The following NLGN1 variants were observed in gnomAD, a reference collection of about 807,000 sequenced individuals.
NLGN1 encodes the protein neuroligin 1, also known as neuroligin-1.
A neutral mutation model predicts 65.5 loss-of-function variants in NLGN1; 12 were observed. The observed-to-expected ratio is 0.18, with a 90% CI of 0.12 to 0.30. NLGN1 has a LOEUF of 0.30. Among genes scored for constraint, NLGN1 ranks in the 10% least tolerant of loss-of-function variants. The pLI, the probability that NLGN1 is intolerant of heterozygous loss-of-function variation, is 1.00. For synonymous variants in NLGN1, 350 were observed against 359.5 expected, an observed-to-expected ratio of 0.97 and a Z score of 0.30; for missense variants, 750 against 1,007.1, an observed-to-expected ratio of 0.74 and a Z score of 3.46.
intron 4 of NLGN1, among the ~76,000 whole-genome samples, chr3:174,183,875 T>G (rs1730903958): frequency 6.6e-6 from 1 of 152,160 alleles, no homozygotes. Context: ...TGAAAGAGGG[T>G]CTCTTGGTGA....
intron 3 of NLGN1, among the ~76,000 whole-genome samples, chr3:173,797,454 T>C (rs1207273964): frequency 2.0e-5 from 3 of 152,054 alleles, no homozygotes; most frequent in Non-Finnish European, 4.4e-5. Context: ...TTAGTATCAA[T>C]AAATGAAGTG....
chr3:173,914,281 C>T (rs550488899), intron 4 of NLGN1, among the ~76,000 whole-genome samples: 1 of 152,256 alleles, frequency 6.6e-6, no homozygotes, highest in South Asian at 2.1e-4. Context: ...CCCACTACAA[C>T]CTCTCACATT....
chr3:174,195,329 AAT>A (rs1157577723), intron 4 of NLGN1, among the ~76,000 whole-genome samples: 1 of 152,238 alleles, frequency 6.6e-6, no homozygotes, highest in African/African-American at 2.4e-5. Flanking sequence ...ATCTTTGAAA[AAT>A]ATGTTTGATG....
At chr3:174,244,476 A>T (rs1561375601) in intron 4 of NLGN1, among the ~76,000 whole-genome samples, 1 of 152,218 alleles carries the variant, frequency 6.6e-6, no homozygotes, top group Non-Finnish European at 1.5e-5. Flanking sequence ...TGGAAATACC[A>T]TACAGAACAA....
chr3:173,655,902 A>G (rs568875776), intron 3 of NLGN1, among the ~76,000 whole-genome samples: 215 of 152,268 alleles, frequency 1.4e-3, no homozygotes, highest in African/African-American at 5.1e-3. Context: ...AGACAAAGCA[A>G]GGAAAGAATG....
chr3:173,846,525 C>T (rs1725826557), intron 4 of NLGN1, among the ~76,000 whole-genome samples: 1 of 152,114 alleles, frequency 6.6e-6, no homozygotes, highest in Non-Finnish European at 1.5e-5. Flanking sequence ...AAATAAGCTG[C>T]ATGTTTCTTA....
intron 4 of NLGN1, among the ~76,000 whole-genome samples, chr3:174,031,628 A>G (rs1225688714): frequency 6.6e-6 from 1 of 152,202 alleles, no homozygotes; most frequent in Non-Finnish European, 1.5e-5. Flanking sequence ...GACCTCTTAA[A>G]AATTTTGTAA....
chr3:174,203,886 A>G (rs770119073), intron 4 of NLGN1, among the ~76,000 whole-genome samples: 5 of 152,228 alleles, frequency 3.3e-5, no homozygotes, highest in Non-Finnish European at 5.9e-5. Context: ...ACACAAAACA[A>G]ATTTCCTGGG....
At chr3:173,839,500 G>T (rs1438911009) in intron 4 of NLGN1, among the ~76,000 whole-genome samples, 1 of 151,288 alleles carries the variant, frequency 6.6e-6, no homozygotes, top group East Asian at 2.0e-4. Context: ...TCAGCTCACT[G>T]CAACCTCTGC....
intron 4 of NLGN1, among the ~76,000 whole-genome samples, chr3:174,168,147 T>C (rs1314980973): frequency 6.6e-6 from 1 of 152,176 alleles, no homozygotes; most frequent in African/African-American, 2.4e-5. Context: ...TCTGTGTTGA[T>C]TTTCAACTTT....
chr3:173,495,992 C>A (rs1356198480), intron 2 of NLGN1, among the ~76,000 whole-genome samples: 5 of 151,740 alleles, frequency 3.3e-5, no homozygotes, highest in Admixed American at 6.6e-5. Flanking sequence ...CTGTAATTGA[C>A]AATTTTCAAT....
chr3:173,928,975 T>C (rs1403625706), intron 4 of NLGN1, among the ~76,000 whole-genome samples: 1 of 152,114 alleles, frequency 6.6e-6, no homozygotes, highest in African/African-American at 2.4e-5. Context: ...TGGCCTGACA[T>C]AGTTAATTTT....
chr3:173,886,666 G>A (rs1040596207), intron 4 of NLGN1, among the ~76,000 whole-genome samples: 2 of 151,980 alleles, frequency 1.3e-5, no homozygotes, highest in African/African-American at 2.4e-5. Context: ...ATATAAAATA[G>A]GGATGAGTGT....
intron 3 of NLGN1, among the ~76,000 whole-genome samples, chr3:173,641,370 G>C (rs906764207): frequency 4.6e-5 from 7 of 152,134 alleles, no homozygotes; most frequent in Admixed American, 1.3e-4. Context: ...CTGCAGTGAA[G>C]TGGCACGATC....
intron 4 of NLGN1, among the ~76,000 whole-genome samples, chr3:174,050,601 G>A (rs963688925): frequency 1.3e-5 from 2 of 151,972 alleles, no homozygotes; most frequent in Non-Finnish European, 1.5e-5. Flanking sequence ...AACTAATGCC[G>A]TGGCCTGGTG....
intron 4 of NLGN1, among the ~76,000 whole-genome samples, chr3:173,942,130 GTGTGTGTGTGTA>G (rs760648296): frequency 0.015 from 2,275 of 148,774 alleles, 32 homozygotes; most frequent in Middle Eastern, 0.031. Context: ...GTGTGTGTGT[GTGTGTGTGTGTA>G]TGTGTGTGTG....
chr3:174,272,895 A>T (rs1234475574), intron 4 of NLGN1, among the ~76,000 whole-genome samples: 1 of 151,684 alleles, frequency 6.6e-6, no homozygotes, highest in Non-Finnish European at 1.5e-5. Context: ...CTGTGGTTTA[A>T]TAATGACATT....
intron 4 of NLGN1, among the ~76,000 whole-genome samples, chr3:173,946,444 A>G (rs1276663956): frequency 6.6e-6 from 1 of 152,182 alleles, no homozygotes; most frequent in Non-Finnish European, 1.5e-5. Flanking sequence ...TGTCAATAGT[A>G]TTGTTTACAG....
At chr3:173,862,202 G>A (rs1356112173) in intron 4 of NLGN1, among the ~76,000 whole-genome samples, 1 of 151,968 alleles carries the variant, frequency 6.6e-6, no homozygotes, top group Non-Finnish European at 1.5e-5. Flanking sequence ...ATCTACATGT[G>A]CTGATATGGA....
Sources: gnomAD v4.1 joint callset for allele counts (sites outside exome capture counted in the v4.1 genomes callset) on GRCh38, gnomAD v4.1.1 for gene constraint, MANE v1.5 for transcripts, NCBI Gene and HGNC (gene_info 2026-07-23, HGNC 2026-07-21) for gene names.